Variants in MYBPC3 observed in about 807,000 individuals in gnomAD.
MYBPC3 encodes the protein myosin binding protein C3.
A neutral mutation model predicts 159.3 loss-of-function variants in MYBPC3; 108 were observed. The observed-to-expected ratio is 0.68, with a 90% CI of 0.58 to 0.80. MYBPC3 has a LOEUF of 0.80. Ranked by LOEUF, MYBPC3 falls within the 30% of genes least tolerant of loss-of-function variation. The pLI, the probability that MYBPC3 is intolerant of heterozygous loss-of-function variation, is 0.00. For missense variants in MYBPC3, 1,631 were observed against 1,762.1 expected (o/e 0.93, Z 1.33); for synonymous variants, 730 against 702.0 (o/e 1.04, Z -0.63).
chr11:47,338,402 C>T lies in MYBPC3; in HGVS notation c.2308+118G>A. On this transcript the variant is annotated intron_variant, in intron 23 of 34. Coordinates refer to ENST00000545968, the MANE Select transcript of MYBPC3 (RefSeq NM_000256.3). The surrounding 1 kb of genome is among the most constrained non-coding windows in gnomAD (Gnocchi z 4.7). ...TTGGGCAGAAAAACCTGTCCTGTTG[C>T]CGCTCGGCTCAGGGAGCATGCCCGT... 2 of 1,435,334 alleles carry T rather than the reference C, an allele frequency of 1.4e-6. No homozygotes were observed. Among genetic ancestry groups the T allele is most frequent in the Middle Eastern group, 1.8e-4 (1 of 5,534 alleles). 88.9% of individuals were successfully genotyped at this position (1,435,334 alleles called of 1,614,324 possible).
At position 47,349,809 on chromosome 11, in the gene MYBPC3, G is replaced by A. The variant is rs965921552; in HGVS notation, c.619C>T (p.Leu207=). ...VDLSSKVGQH[L]QLHDSYDRAS... The stretch of plus-strand genomic sequence containing the variant: ...CGGTCGTAGCTGTCGTGCAGCTGCA[G>A]GTGCTGGCCCACCTTGCTGCTCAGG... Residue 207 remains leucine (L), a synonymous_variant, in exon 5 of 35, where the codon CTG becomes TTG. Transcript: ENST00000545968. The A allele has an allele frequency of 6.2e-7, 1 of 1,610,136 alleles. No individual in the cohort carries two copies. Among genetic ancestry groups the A allele is most frequent in the Non-Finnish European group, 8.5e-7 (1 of 1,179,708 alleles).
Position 47,339,643 on chromosome 11 carries a change from C to A in MYBPC3, c.2067+8G>T. 5 of 1,576,442 alleles carry A rather than the reference C, an allele frequency of 3.2e-6. No homozygotes were observed. The highest frequency in any genetic ancestry group is 4.3e-6 in the Non-Finnish European group (5 of 1,157,808). On this transcript the variant is annotated splice_region_variant and intron_variant, in intron 21 of 34. Transcript: ENST00000545968. ...TAGATGGGGAGACTGAGGAGGGACC[C>A]ACAGTACCTGCGTGATAGCCTTCTG...
intron 17 of MYBPC3, 72 bp from the exon 18 acceptor site, chr11:47,342,228 G>A: frequency 6.5e-7 from 1 of 1,549,412 alleles, no homozygotes; most frequent in Middle Eastern, 1.7e-4. Context: ...TGGAGGGCGT[G>A]TGGGCCCATG....
At chr11:47,348,591 C>T (rs1296270920) in intron 5 of MYBPC3, 50 bp from the exon 6 acceptor site, 2 of 1,438,674 alleles carry the variant, frequency 1.4e-6, no homozygotes, top group East Asian at 2.4e-5. Context: ...GGCCGGGAGA[C>T]AAGGCTCCGC....
At position 47,337,437 on chromosome 11, in the gene MYBPC3, G is replaced by A. The variant is rs754062873; in HGVS notation, c.2556C>T (p.Ile852=). The part of the protein sequence containing the change: ...YEMRVYAVNA[I]GMSRPSPASQ... ...AGGCAGGGCTGGGCCTGGACATGCC[G>A]ATGGCGTTGACCGCGTAGACGCGCA... Residue 852 remains isoleucine (I), a synonymous_variant, in exon 25 of 35, where the codon ATC becomes ATT. Coordinates refer to ENST00000545968, the MANE Select transcript of MYBPC3 (RefSeq NM_000256.3). The A allele has an allele frequency of 6.8e-6, 11 of 1,610,994 alleles. No homozygotes were observed. The highest frequency in any genetic ancestry group is 2.2e-5 in the East Asian group (1 of 44,848).
chr11:47,331,586 C>T lies in MYBPC3; in HGVS notation c.*157G>A. ...TCTGTGCAACACCCACTCAGGACTGCCCGACAACTGCCCTGCTGATCCCCC... is the reference window on the plus strand; with the variant it reads ...TCTGTGCAACACCCACTCAGGACTGTCCGACAACTGCCCTGCTGATCCCCC... On this transcript the variant is annotated 3_prime_UTR_variant, in exon 35 of 35. Coordinates refer to ENST00000545968, the MANE Select transcript of MYBPC3 (RefSeq NM_000256.3). The T allele has an allele frequency of 2.1e-6, 1 of 483,396 alleles. No homozygotes were observed. The highest frequency in any genetic ancestry group is 3.4e-5 in the East Asian group (1 of 29,060). 29.9% of individuals were successfully genotyped at this position (483,396 alleles called of 1,614,324 possible).
intron 22 of MYBPC3, 72 bp downstream of exon 22, chr11:47,339,252 A>G: frequency 1.9e-6 from 3 of 1,546,996 alleles, no homozygotes; most frequent in South Asian, 1.1e-5. Context: ...GACCTCGCCA[A>G]GGGCTCGGCA....
rs777487971 is a variant in MYBPC3, at chr11:47,343,017, C to T, written c.1351+4G>A. The T allele has an allele frequency of 3.7e-6, 6 of 1,613,206 alleles. No homozygotes were observed. The East Asian group carries it at 8.9e-5, about 24-fold the overall frequency. ...GTTCCCACATCCTCAGGTCCCAGGCCCACCTTTCACAAAGAGCTCCGTGCT... is the reference window on the plus strand; with the variant it reads ...GTTCCCACATCCTCAGGTCCCAGGCTCACCTTTCACAAAGAGCTCCGTGCT... On this transcript the variant is annotated splice_donor_region_variant and intron_variant, in intron 15 of 34. Coordinates refer to ENST00000545968, the MANE Select transcript of MYBPC3 (RefSeq NM_000256.3).
rs371061770 is a variant in MYBPC3 at position 47,333,610 on chromosome 11, G to A, written c.3137C>T (p.Thr1046Met). 225 of 1,604,248 alleles carry A rather than the reference G, an allele frequency of 1.4e-4. 1 individual carries two copies. In the East Asian group the frequency reaches 4.4e-3, roughly 32 times the overall value. Residue 1046 changes from threonine (T) to methionine (M), a missense_variant, in exon 29 of 35, where the codon ACG (threonine) becomes ATG (methionine). Coordinates refer to ENST00000545968, the MANE Select transcript of MYBPC3 (RefSeq NM_000256.3). ...GTCCTCCATGTTCTCAATGCGCACC[G>A]TCACCTGGTAAGTGCCTGAATGCAC... ...RRVHSGTYQV[T>M]VRIENMEDKA... is the part of the protein sequence containing the mutation.
chr11:47,351,600 A>G lies in MYBPC3; in HGVS notation c.26-95T>C. The stretch of plus-strand genomic sequence containing the variant: ...AGTAAATACTGTGCTAGCACTTTCT[A>G]TGCATCCCCTCACGTAATACTCTAC... On this transcript the variant is annotated intron_variant, in intron 1 of 34. Transcript: ENST00000545968. The surrounding 1 kb of genome is among the most constrained non-coding windows in gnomAD (Gnocchi z 4.2). 1.5e-6 allele frequency: 2 copies of G among 1,324,056 alleles called. No individual in the cohort carries two copies. Among genetic ancestry groups the G allele is most frequent in the South Asian group, 1.6e-5 (1 of 63,246 alleles). The allele number at this position is 1,324,056 out of a possible 1,614,324, so 82.0% of individuals were successfully genotyped here.
In MYBPC3 at chr11:47,335,916, C is replaced by T. The variant is rs1223099034; in HGVS notation, c.2698G>A (p.Gly900Ser). The T allele has an allele frequency of 2.6e-6, 4 of 1,546,508 alleles. No homozygotes were observed. The highest frequency in any genetic ancestry group is 1.4e-5 in the African/African-American group (1 of 72,618). The change falls in exon 26 of 35, where the codon GGC (glycine) becomes AGC (serine). Residue 900 changes from glycine to serine, a missense_variant. Gly to Ser is a moderately conservative substitution (Grantham distance 56, BLOSUM62 0). Coordinates refer to ENST00000545968, the MANE Select transcript of MYBPC3 (RefSeq NM_000256.3). ...WRPPERVGAG[G>S]LDGYSVEYCP... ...TACTCCACGCTGTAGCCATCCAGGC[C>T]TCCTGCTCCCACGCGCTCTGGGGGC... is the stretch of plus-strand genomic sequence containing the variant.
At position 47,333,707 on chromosome 11, in the gene MYBPC3, G is replaced by A. The variant is rs1189361396; in HGVS notation, c.3040C>T (p.Leu1014=). 3.7e-6 allele frequency: 6 copies of A among 1,609,764 alleles called. No homozygotes were observed. Among genetic ancestry groups the A allele is most frequent in the Non-Finnish European group, 5.1e-6 (6 of 1,178,714 alleles). ...CGGATGCTCACCTCCTCGCCTGCCAGGGGCTGCCCCTCTTTGGTCCAGGTC... is the reference window on the plus strand; with the variant it reads ...CGGATGCTCACCTCCTCGCCTGCCAAGGGCTGCCCCTCTTTGGTCCAGGTC... The part of the protein sequence containing the change: ...QVTWTKEGQP[L]AGEEVSIRNS... The change falls in exon 29 of 35, where the codon CTG becomes TTG. Residue 1014 remains leucine, a synonymous_variant. Transcript: ENST00000545968.
chr11:47,338,752 G>C lies in MYBPC3; in HGVS notation c.2149-73C>G, dbSNP rs1440514445. The C allele has an allele frequency of 4.7e-6, 7 of 1,484,624 alleles. No individual in the cohort carries two copies. The highest frequency in any genetic ancestry group is 4.5e-6 in the Non-Finnish European group (5 of 1,112,432). The allele number at this position is 1,484,624 out of a possible 1,614,324, so 92.0% of individuals were successfully genotyped here. A position where few individuals can be genotyped will look rare whatever the true frequency, so the allele number is the denominator to read the frequency against. ...CCCTTGCAGCCTCCGCCAACAGCCA[G>C]ATGTCCCGGGGGTCCATGGGGGGAA... On this transcript the variant is annotated intron_variant, in intron 22 of 34. Coordinates refer to ENST00000545968, the MANE Select transcript of MYBPC3 (RefSeq NM_000256.3). The surrounding 1 kb of genome is among the most constrained non-coding windows in gnomAD (Gnocchi z 4.7).
Position 47,332,414 on chromosome 11 carries a change from T to C in MYBPC3, c.3627+152A>G, listed in dbSNP as rs1480557811. On this transcript the variant is annotated intron_variant, in intron 32 of 34. Coordinates refer to ENST00000545968, the MANE Select transcript of MYBPC3 (RefSeq NM_000256.3). The surrounding 1 kb of genome is among the most constrained non-coding windows in gnomAD (Gnocchi z 4.2). Reference sequence around the variant, plus strand: ...AAACAAACATGGAACCAAGAGTGAGTACCATGGCCCTGCCCAGGGGGAGGA... The same window carrying C: ...AAACAAACATGGAACCAAGAGTGAGCACCATGGCCCTGCCCAGGGGGAGGA... Among the ~76,000 whole-genome samples the C allele has an allele frequency of 6.6e-6, 1 of 151,992 alleles. No individual in the cohort carries two copies. Among genetic ancestry groups the C allele is most frequent in the Non-Finnish European group, 1.5e-5 (1 of 67,960 alleles).
intron 12 of MYBPC3, among the ~76,000 whole-genome samples, chr11:47,345,845 G>T (rs889449164): frequency 2.0e-5 from 3 of 152,186 alleles, no homozygotes; most frequent in African/African-American, 7.2e-5. Context: ...TTTCAGAAGA[G>T]GGTAGAGAAA....
In MYBPC3 at chr11:47,346,699, C is replaced by T; in HGVS notation, c.909-55G>A. Reference sequence around the variant, plus strand: ...GTAGGTGGCACATGAGAGGTATGGCCACCTTCCCTCAAAGACCTGGACCCC... The same window carrying T: ...GTAGGTGGCACATGAGAGGTATGGCTACCTTCCCTCAAAGACCTGGACCCC... On this transcript the variant is annotated intron_variant, in intron 10 of 34. Coordinates refer to ENST00000545968, the MANE Select transcript of MYBPC3 (RefSeq NM_000256.3). This position sits in a 1 kb window ranked among gnomAD's most constrained non-coding sequence, Gnocchi z 5.3. The T allele has an allele frequency of 6.5e-7, 1 of 1,536,912 alleles. No homozygotes were observed. Among genetic ancestry groups the T allele is most frequent in the Non-Finnish European group, 8.8e-7 (1 of 1,136,582 alleles).
chr11:47,351,391 C>T lies in MYBPC3; in HGVS notation c.140G>A (p.Ser47Asn), dbSNP rs1565631851. The change falls in exon 2 of 35, where the codon AGT (serine) becomes AAT (asparagine). Residue 47 changes from serine (S) to asparagine (N), a missense_variant. Transcript: ENST00000545968. This position sits in a 1 kb window ranked among gnomAD's most constrained non-coding sequence, Gnocchi z 4.2. ...GVKVRWQRGG[S>N]DISASNKYGL... Reference sequence around the variant, plus strand: ...GTACTTGTTGCTGGCGCTGATGTCACTGCCTCCGCGCTGCCAGCGCACCTT... The same window carrying T: ...GTACTTGTTGCTGGCGCTGATGTCATTGCCTCCGCGCTGCCAGCGCACCTT... The T allele has an allele frequency of 1.9e-6, 3 of 1,609,616 alleles. No homozygotes were observed. Among genetic ancestry groups the T allele is most frequent in the Middle Eastern group, 1.6e-4 (1 of 6,080 alleles).
rs372574446 is a variant in MYBPC3, at chr11:47,348,457, A to G, written c.739T>C (p.Phe247Leu). 8 of 1,613,156 alleles carry G rather than the reference A, an allele frequency of 5.0e-6. No individual in the cohort carries two copies. The African/African-American group carries it at 5.3e-5, about 11-fold the overall frequency. Residue 247 changes from phenylalanine (F) to leucine (L), a missense_variant, in exon 6 of 35, where the codon TTT becomes CTT. Physicochemically the swap from Phe to Leu is conservative, Grantham distance 22. Coordinates refer to ENST00000545968, the MANE Select transcript of MYBPC3 (RefSeq NM_000256.3). ...YRCEVSTKDKFDCSNFNLTVH... is the reference protein window; with the variant it reads ...YRCEVSTKDKLDCSNFNLTVH... The stretch of plus-strand genomic sequence containing the variant: ...GTGAGATTGAAGTTGGAGCAGTCAA[A>G]TTTGTCCTTGGTGGACACCTCACAG...
intron 9 of MYBPC3, 32 bp from the exon 10 acceptor site, chr11:47,347,061 G>C (rs1239946408): frequency 3.5e-6 from 3 of 855,862 alleles, no homozygotes; most frequent in Non-Finnish European, 6.0e-6. Context: ...CATAATGGAG[G>C]GGCCGGGGGA....
Sources: allele counts gnomAD v4.1 joint callset (sites outside exome capture counted in the v4.1 genomes callset), GRCh38; gene constraint gnomAD v4.1.1; non-coding constraint Gnocchi (gnomAD v3.1); transcripts MANE v1.5; gene names NCBI Gene and HGNC (gene_info 2026-07-23, HGNC 2026-07-21).